The following GAREM1 variants were observed in gnomAD, a reference collection of about 807,000 sequenced individuals.
The protein encoded by GAREM1 is GRB2-associated and regulator of MAPK protein 1.
In GAREM1, 26 loss-of-function variants were observed where a neutral mutation model predicts 71.3. The observed-to-expected ratio is 0.36, with a 90% CI of 0.27 to 0.51. GAREM1 has a LOEUF of 0.51. Among genes scored for constraint, GAREM1 ranks in the 20% least tolerant of loss-of-function variants. The probability of loss-of-function intolerance (pLI) is 0.95; values close to 1 mark genes in which losing one functional copy is unlikely to be tolerated. For missense variants in GAREM1, 1,026 were observed against 1,103.1 expected, an observed-to-expected ratio of 0.93 and a Z score of 0.99; for synonymous variants, 440 against 433.2, an observed-to-expected ratio of 1.02 and a Z score of -0.20.
intron 1 of GAREM1, among the ~76,000 whole-genome samples, chr18:32,454,034 G>GA (rs2048866046): frequency 6.6e-6 from 1 of 152,128 alleles, no homozygotes; most frequent in Non-Finnish European, 1.5e-5. Context: ...CGTAATATGA[G>GA]AAAAAATTAC....
intron 5 of GAREM1, among the ~76,000 whole-genome samples, chr18:32,269,365 T>C (rs909729680): frequency 6.6e-6 from 1 of 152,202 alleles, no homozygotes; most frequent in Admixed American, 6.5e-5. Flanking sequence ...TACTTTAAAC[T>C]GTAATGAGCA....
At chr18:32,298,246 G>T (rs2047163241) in intron 3 of GAREM1, among the ~76,000 whole-genome samples, 3 of 152,088 alleles carry the variant, frequency 2.0e-5, no homozygotes, top group Admixed American at 2.0e-4. Flanking sequence ...CTAGCAATTA[G>T]CCCTGAATAA....
intron 1 of GAREM1, among the ~76,000 whole-genome samples, chr18:32,408,286 T>C (rs1203918323): frequency 7.7e-6 from 1 of 129,888 alleles, no homozygotes. Context: ...AAAAACTCCT[T>C]ACTTGTGTCT....
intron 2 of GAREM1, among the ~76,000 whole-genome samples, chr18:32,379,999 A>C (rs1173661168): frequency 6.6e-6 from 1 of 152,214 alleles, no homozygotes; most frequent in Non-Finnish European, 1.5e-5. Context: ...GGGCCAGGAT[A>C]GTTCTGGAAA....
chr18:32,429,163 G>C (rs1253051004), intron 1 of GAREM1, among the ~76,000 whole-genome samples: 4 of 152,090 alleles, frequency 2.6e-5, no homozygotes, highest in African/African-American at 9.7e-5. Context: ...CAATTAAAGG[G>C]AAATGCCCTG....
At chr18:32,357,177 C>T (rs978032877) in intron 2 of GAREM1, among the ~76,000 whole-genome samples, 3 of 152,092 alleles carry the variant, frequency 2.0e-5, no homozygotes, top group African/African-American at 4.8e-5. Flanking sequence ...CAAGTCATTC[C>T]GCAAAAAGGT....
chr18:32,358,585 C>T (rs1427646274), intron 2 of GAREM1, among the ~76,000 whole-genome samples: 2 of 152,152 alleles, frequency 1.3e-5, no homozygotes, highest in South Asian at 2.1e-4. Context: ...TTAAAAATAA[C>T]CTTTTCCCAC....
At chr18:32,372,414 A>G (rs1041222781) in intron 2 of GAREM1, among the ~76,000 whole-genome samples, 2 of 152,240 alleles carry the variant, frequency 1.3e-5, no homozygotes, top group African/African-American at 4.8e-5. Flanking sequence ...AGCCTAGGAA[A>G]CAGACACACC....
At chr18:32,388,326 G>A (rs1443125317) in intron 2 of GAREM1, among the ~76,000 whole-genome samples, 1 of 152,152 alleles carries the variant, frequency 6.6e-6, no homozygotes, top group African/African-American at 2.4e-5. Context: ...AAGGAATGGT[G>A]GAGTTAAGTT....
chr18:32,436,440 T>C (rs1199134665), intron 1 of GAREM1, among the ~76,000 whole-genome samples: 4 of 152,224 alleles, frequency 2.6e-5, no homozygotes, highest in Non-Finnish European at 4.4e-5. Context: ...TTTATCTATA[T>C]TCTTCTAACC....
chr18:32,397,405 C>A (rs1368985194), intron 1 of GAREM1, among the ~76,000 whole-genome samples: 2 of 152,092 alleles, frequency 1.3e-5, no homozygotes, highest in Admixed American at 1.3e-4. Context: ...ATACAGGAGA[C>A]CCATCTCACA....
intron 2 of GAREM1, among the ~76,000 whole-genome samples, chr18:32,367,167 A>C (rs1431186977): frequency 1.3e-5 from 2 of 152,252 alleles, no homozygotes; most frequent in African/African-American, 4.8e-5. Context: ...AGCCCAAGAA[A>C]ATAGTCTCTA....
intron 2 of GAREM1, among the ~76,000 whole-genome samples, chr18:32,368,238 T>C (rs913234436): frequency 1.3e-5 from 2 of 152,182 alleles, no homozygotes; most frequent in Non-Finnish European, 2.9e-5. Flanking sequence ...TCTCTAAGCT[T>C]AGGTCTCTCT....
intron 1 of GAREM1, among the ~76,000 whole-genome samples, chr18:32,460,820 A>G (rs2048948596): frequency 6.6e-6 from 1 of 152,182 alleles, no homozygotes; most frequent in African/African-American, 2.4e-5. Flanking sequence ...TAGTCCATAT[A>G]CTCAGGAGTC....
intron 2 of GAREM1, among the ~76,000 whole-genome samples, chr18:32,341,079 T>A (rs2144574623): frequency 6.6e-6 from 1 of 152,252 alleles, no homozygotes; most frequent in Middle Eastern, 3.4e-3. Context: ...GCTGCACCCA[T>A]TAACTTGTCA....
At chr18:32,453,398 A>C (rs754221183) in intron 1 of GAREM1, among the ~76,000 whole-genome samples, 5 of 152,008 alleles carry the variant, frequency 3.3e-5, no homozygotes, top group Non-Finnish European at 7.4e-5. Flanking sequence ...AACAATAGAA[A>C]ATTTATTCTG....
chr18:32,467,258 G>C (rs1368266923), intron 1 of GAREM1, among the ~76,000 whole-genome samples: 1 of 152,118 alleles, frequency 6.6e-6, no homozygotes, highest in Non-Finnish European at 1.5e-5. Flanking sequence ...GATGAGGCCA[G>C]CACTTAATTT....
chr18:32,399,872 C>T (rs1235984485), intron 1 of GAREM1, among the ~76,000 whole-genome samples: 1 of 152,178 alleles, frequency 6.6e-6, no homozygotes, highest in Non-Finnish European at 1.5e-5. Context: ...CAAGTCAATC[C>T]TAAGCAAAAA....
rs1350594363 is a variant in GAREM1 at position 32,267,610 on chromosome 18, T to C, written c.*261A>G. On this transcript the variant is annotated 3_prime_UTR_variant, in exon 6 of 6. Coordinates refer to ENST00000269209, the MANE Select transcript of GAREM1 (RefSeq NM_001242409.2). Reference sequence around the variant, plus strand: ...TGGGTAAGAATGATTTCTCTGCACATGCCTTTTTTTCTTTTAGCAGCTGCT... The same window carrying C: ...TGGGTAAGAATGATTTCTCTGCACACGCCTTTTTTTCTTTTAGCAGCTGCT... 3 of 335,798 alleles carry C rather than the reference T, an allele frequency of 8.9e-6. No individual in the cohort carries two copies. The highest frequency in any genetic ancestry group is 1.6e-5 in the Non-Finnish European group (3 of 186,180). The allele number at this position is 335,798 out of a possible 1,614,324, so 20.8% of individuals were successfully genotyped here. A position where few individuals can be genotyped will look rare whatever the true frequency, so the allele number is the denominator to read the frequency against.
Sources: gnomAD v4.1 joint callset for allele counts (sites outside exome capture counted in the v4.1 genomes callset) on GRCh38, gnomAD v4.1.1 for gene constraint, MANE v1.5 for transcripts, NCBI Gene and HGNC (gene_info 2026-07-23, HGNC 2026-07-21) for gene names.